The following HIPK2 variants were observed in gnomAD, a reference collection of about 807,000 sequenced individuals.
HIPK2 encodes the protein homeodomain-interacting protein kinase 2.
A neutral mutation model predicts 113.7 loss-of-function variants in HIPK2; 27 were observed. The observed-to-expected ratio is 0.24, with a 90% confidence interval of 0.17 to 0.33. The LOEUF is 0.33. HIPK2 is among the 10% of genes least tolerant of loss of function. HIPK2 has a pLI of 1.00. For missense variants in HIPK2, 1,257 were observed against 1,588.0 expected, an observed-to-expected ratio of 0.79 and a Z score of 3.54; for synonymous variants, 631 against 642.2, an observed-to-expected ratio of 0.98 and a Z score of 0.26.
intron 2 of HIPK2, among the ~76,000 whole-genome samples, chr7:139,640,203 T>C (rs905816978): frequency 2.6e-5 from 4 of 152,166 alleles, no homozygotes; most frequent in Non-Finnish European, 5.9e-5. Flanking sequence ...AACATTCTCA[T>C]AGGAAGACAC....
At chr7:139,753,097 T>A (rs1170861932) in intron 1 of HIPK2, among the ~76,000 whole-genome samples, 2 of 152,206 alleles carry the variant, frequency 1.3e-5, no homozygotes, top group Non-Finnish European at 2.9e-5. Flanking sequence ...ATGGTTGTTT[T>A]CTATTCCATT....
At chr7:139,659,641 T>C (rs879908012) in intron 2 of HIPK2, among the ~76,000 whole-genome samples, 1 of 152,234 alleles carries the variant, frequency 6.6e-6, no homozygotes, top group Admixed American at 6.5e-5. Context: ...TTATTCCCTG[T>C]CCTTGGCCTA....
intron 6 of HIPK2, 147 bp downstream of exon 6, chr7:139,626,454 A>T: frequency 4.0e-6 from 3 of 757,972 alleles, no homozygotes; most frequent in Non-Finnish European, 6.4e-6. Flanking sequence ...TCATCTGTTT[A>T]TGTATTGCAT....
rs1209673199 is a variant in HIPK2 at position 139,689,728 on chromosome 7, T to C, written c.1103+26204A>G. Among the ~76,000 whole-genome samples, 4 of 152,184 alleles carry C rather than the reference T, an allele frequency of 2.6e-5. 1 individual carries two copies. The Middle Eastern group carries it at 9.5e-3, about 361-fold the overall frequency. ...ATATCTGGCCCTACATGTAATCGTG[T>C]GGCTCAGAAATCCCAAGCTATGGCT... On this transcript the variant is annotated intron_variant, in intron 2 of 14. Coordinates refer to ENST00000406875, the MANE Select transcript of HIPK2 (RefSeq NM_022740.5).
At position 139,575,247 on chromosome 7, in the gene HIPK2, A is replaced by AGGACTT; in HGVS notation, c.3001_3006dup (p.Lys1001_Ser1002dup). 6.3e-7 allele frequency: 1 copy of AGGACTT among 1,578,706 alleles called. No individual in the cohort carries two copies. The highest frequency in any genetic ancestry group is 8.6e-7 in the Non-Finnish European group (1 of 1,162,180). On this transcript the variant is annotated inframe_insertion, in exon 14 of 15. Transcript: ENST00000406875. ...CCGCTGGTGGAGGTCACGTTGCTGG[A>AGGACTT]GGACTTGGACTTGTAGGAGGACGAG...
In HIPK2 at chr7:139,568,064, G is replaced by C. The variant is rs1798147300; in HGVS notation, c.*4863C>G. On this transcript the variant is annotated 3_prime_UTR_variant, in exon 15 of 15. Transcript: ENST00000406875. The stretch of plus-strand genomic sequence containing the variant: ...ACACGGCCTAAATCTTCCACCCCAA[G>C]CTTGTTCCAATATGAGTGTTTGCCA... The C allele has an allele frequency of 6.6e-6, 1 of 152,314 alleles. No individual in the cohort carries two copies. The allele number at this position is 152,314 out of a possible 1,614,324, so 9.4% of individuals were successfully genotyped here.
chr7:139,675,333 T>C (rs1350799260), intron 2 of HIPK2, among the ~76,000 whole-genome samples: 1 of 150,022 alleles, frequency 6.7e-6, no homozygotes, highest in Non-Finnish European at 1.5e-5. Flanking sequence ...TGACAGGTTG[T>C]GCAACAGGTC....
At chr7:139,720,244 G>T (rs1795368917) in intron 1 of HIPK2, among the ~76,000 whole-genome samples, 1 of 152,172 alleles carries the variant, frequency 6.6e-6, no homozygotes. Context: ...CTAACCCAGT[G>T]ATCATTCCCA....
chr7:139,678,826 T>G (rs901689367), intron 2 of HIPK2, among the ~76,000 whole-genome samples: 3 of 152,360 alleles, frequency 2.0e-5, no homozygotes, highest in Admixed American at 1.3e-4. Flanking sequence ...TTGTATCCTC[T>G]TCTATTTCAT....
At chr7:139,730,607 T>G (rs1795747478) in intron 1 of HIPK2, among the ~76,000 whole-genome samples, 1 of 152,200 alleles carries the variant, frequency 6.6e-6, no homozygotes, top group African/African-American at 2.4e-5. Flanking sequence ...GTGATCCACC[T>G]GCCTTGGCTT....
At chr7:139,678,169 T>C (rs981536270) in intron 2 of HIPK2, among the ~76,000 whole-genome samples, 3 of 152,210 alleles carry the variant, frequency 2.0e-5, no homozygotes, top group African/African-American at 7.2e-5. Flanking sequence ...ATTCTGTAGG[T>C]TGCCTGCTCA....
intron 7 of HIPK2, among the ~76,000 whole-genome samples, chr7:139,620,161 G>A (rs867640936): frequency 2.0e-5 from 3 of 152,148 alleles, no homozygotes; most frequent in Admixed American, 6.5e-5. Flanking sequence ...GCAGTAAGGG[G>A]AACCATCTCA....
intron 2 of HIPK2, among the ~76,000 whole-genome samples, chr7:139,648,439 C>T (rs918042688): frequency 2.6e-5 from 4 of 152,104 alleles, no homozygotes; most frequent in Admixed American, 6.5e-5. Flanking sequence ...AAATCACTAG[C>T]GGCAGAGAGA....
At chr7:139,720,943 G>C (rs1795390504) in intron 1 of HIPK2, among the ~76,000 whole-genome samples, 1 of 152,136 alleles carries the variant, frequency 6.6e-6, no homozygotes, top group African/African-American at 2.4e-5. Flanking sequence ...GGTGGCTTAT[G>C]ACTTATTTGT....
intron 1 of HIPK2, among the ~76,000 whole-genome samples, chr7:139,775,386 T>C (rs144179306): frequency 1.2e-3 from 187 of 152,302 alleles, no homozygotes; most frequent in African/African-American, 4.1e-3. Flanking sequence ...CCTGTCTGTT[T>C]TAGAGCATGT....
At chr7:139,754,575 G>T (rs1001285652) in intron 1 of HIPK2, among the ~76,000 whole-genome samples, 1 of 152,210 alleles carries the variant, frequency 6.6e-6, no homozygotes, top group Non-Finnish European at 1.5e-5. Flanking sequence ...GAGAGTGTGT[G>T]TGTGCAGTAT....
At chr7:139,614,218 G>C in intron 8 of HIPK2, 68 bp downstream of exon 8, 1 of 1,266,852 alleles carries the variant, frequency 7.9e-7, no homozygotes, top group Non-Finnish European at 1.0e-6. Flanking sequence ...ACAGAAAACT[G>C]CAGGTGCCGG....
intron 2 of HIPK2, among the ~76,000 whole-genome samples, chr7:139,710,434 T>C (rs1795027996): frequency 6.6e-6 from 1 of 152,208 alleles, no homozygotes; most frequent in Non-Finnish European, 1.5e-5. Context: ...CTGGCTTTGC[T>C]CATCATTGTT....
At chr7:139,701,395 G>C (rs1794704068) in intron 2 of HIPK2, among the ~76,000 whole-genome samples, 1 of 152,204 alleles carries the variant, frequency 6.6e-6, no homozygotes, top group South Asian at 2.1e-4. Context: ...TGTGAGGCTA[G>C]ACATGAGGCT....
Sources: allele counts gnomAD v4.1 joint callset (sites outside exome capture counted in the v4.1 genomes callset), GRCh38; gene constraint gnomAD v4.1.1; transcripts MANE v1.5; gene names NCBI Gene and HGNC (gene_info 2026-07-23, HGNC 2026-07-21).